The following ATP8A2 variants were observed in gnomAD, a reference collection of about 807,000 sequenced individuals.
The protein encoded by ATP8A2 is ATPase phospholipid transporting 8A2, also known as phospholipid-transporting ATPase IB.
In ATP8A2, 100 loss-of-function variants were observed where a neutral mutation model predicts 165.6. That is an observed-to-expected ratio of 0.60 (90% CI 0.51 to 0.71). The LOEUF is 0.71. Ranked by LOEUF, ATP8A2 falls within the 30% of genes least tolerant of loss-of-function variation. The pLI is 0.00. For missense variants in ATP8A2, 1,227 were observed against 1,479.5 expected, an observed-to-expected ratio of 0.83 and a Z score of 2.80; for synonymous variants, 543 against 548.8, an observed-to-expected ratio of 0.99 and a Z score of 0.15.
chr13:25,631,871 TC>T (rs1271491890), intron 24 of ATP8A2, among the ~76,000 whole-genome samples: 1 of 149,038 alleles, frequency 6.7e-6, no homozygotes, highest in African/African-American at 2.4e-5. Context: ...TGGGGAGTTT[TC>T]CCAACATAGC....
rs2040924027 is a variant in ATP8A2, at chr13:25,619,819, T to C, written c.2211+30120T>C. On this transcript the variant is annotated intron_variant, in intron 24 of 36. Coordinates refer to ENST00000381655, the MANE Select transcript of ATP8A2 (RefSeq NM_016529.6). ...TTTGTGGACCACATATGGTCTCTAT[T>C]GCATAGCCTTTCCTATTTTAATTTT... 2.0e-5 allele frequency among the ~76,000 whole-genome samples: 3 copies of C among 152,354 alleles called. No individual in the cohort carries two copies. In the South Asian group the frequency reaches 6.2e-4, roughly 32 times the overall value.
At chr13:25,542,334 C>T (rs1385403602) in intron 9 of ATP8A2, among the ~76,000 whole-genome samples, 1 of 151,008 alleles carries the variant, frequency 6.6e-6, no homozygotes, top group African/African-American at 2.4e-5. Flanking sequence ...GGAGAGTTAT[C>T]TGAGGTGTAT....
chr13:25,662,713 G>A (rs1304922646), intron 24 of ATP8A2, among the ~76,000 whole-genome samples: 3 of 152,134 alleles, frequency 2.0e-5, no homozygotes, highest in Non-Finnish European at 2.9e-5. Context: ...TGGCAACATT[G>A]TTTTTAGGCT....
chr13:25,922,487 C>A (rs1954487535), intron 33 of ATP8A2, among the ~76,000 whole-genome samples: 1 of 152,168 alleles, frequency 6.6e-6, no homozygotes, highest in Non-Finnish European at 1.5e-5. Context: ...TATGGAATTG[C>A]AACAATTTGC....
rs1387821638 is a variant in ATP8A2 at position 25,641,911 on chromosome 13, C to G, written c.2211+52212C>G. Reference sequence around the variant, plus strand: ...CTGGTACCAAAACAGAGATATCGACCAATGGAACAGAACAGAGCCCTGAGA... The same window carrying G: ...CTGGTACCAAAACAGAGATATCGACGAATGGAACAGAACAGAGCCCTGAGA... On this transcript the variant is annotated intron_variant, in intron 24 of 36. Transcript: ENST00000381655. Among the ~76,000 whole-genome samples the G allele has an allele frequency of 2.0e-5, 3 of 152,008 alleles. No homozygotes were observed. In the East Asian group the frequency reaches 5.8e-4, roughly 29 times the overall value.
chr13:25,653,978 C>T (rs995311017), intron 24 of ATP8A2, among the ~76,000 whole-genome samples: 2 of 152,054 alleles, frequency 1.3e-5, no homozygotes, highest in Non-Finnish European at 2.9e-5. Context: ...GAGGAGCTGG[C>T]CTTGGGAAGA....
chr13:25,436,084 G>C (rs778040448), intron 1 of ATP8A2, among the ~76,000 whole-genome samples: 5 of 150,400 alleles, frequency 3.3e-5, no homozygotes, highest in Non-Finnish European at 7.4e-5. Flanking sequence ...TTTTTGGCTT[G>C]TTAATAGATT....
At chr13:26,000,170 C>T (rs1956605354) in intron 35 of ATP8A2, among the ~76,000 whole-genome samples, 1 of 152,200 alleles carries the variant, frequency 6.6e-6, no homozygotes, top group Non-Finnish European at 1.5e-5. Flanking sequence ...GGACAGGGAA[C>T]TGGGGACCAG....
At chr13:25,609,534 G>GGTATTCAAATATATATATATATATTT (rs2040603361) in intron 24 of ATP8A2, among the ~76,000 whole-genome samples, 2 of 42,208 alleles carry the variant, frequency 4.7e-5, no homozygotes, top group Non-Finnish European at 1.4e-4. Context: ...ATATATATTT[G>GGTATTCAAATATATATATATATATTT]GGATTCAAAT....
intron 33 of ATP8A2, among the ~76,000 whole-genome samples, chr13:25,952,148 A>G (rs1183092399): frequency 6.6e-6 from 1 of 152,202 alleles, no homozygotes; most frequent in Non-Finnish European, 1.5e-5. Context: ...GTGCTAGTAG[A>G]ATCATCTTCA....
At chr13:25,669,882 C>T (rs956826293) in intron 24 of ATP8A2, among the ~76,000 whole-genome samples, 3 of 152,156 alleles carry the variant, frequency 2.0e-5, no homozygotes, top group African/African-American at 7.2e-5. Flanking sequence ...TGTGCAGCCC[C>T]TCAGGGAACA....
chr13:25,555,166 C>T (rs911735008), intron 13 of ATP8A2, 98 bp downstream of exon 13: 94 of 824,394 alleles, frequency 1.1e-4, no homozygotes, highest in Non-Finnish European at 1.7e-4. Flanking sequence ...AAAAATACTT[C>T]TCCATGAACA....
At chr13:25,976,216 G>A (rs1035667388) in intron 35 of ATP8A2, among the ~76,000 whole-genome samples, 3 of 151,984 alleles carry the variant, frequency 2.0e-5, no homozygotes, top group Non-Finnish European at 4.4e-5. Context: ...GGGATGTGCC[G>A]CCATGCTGAG....
rs1245910539 is a variant in ATP8A2 at position 26,024,366 on chromosome 13, C to T, written c.*4381C>T. 2 of 152,188 alleles carry T rather than the reference C, an allele frequency of 1.3e-5. No homozygotes were observed. The highest frequency in any genetic ancestry group is 4.8e-5 in the African/African-American group (2 of 41,436). 9.4% of individuals were successfully genotyped at this position (152,188 alleles called of 1,614,324 possible). ...AGTTGTCCATCAGTACATTCCCCTT[C>T]ACCTTACCTGATCTTCATTTAATGC... On this transcript the variant is annotated 3_prime_UTR_variant, in exon 37 of 37. Coordinates refer to ENST00000381655, the MANE Select transcript of ATP8A2 (RefSeq NM_016529.6).
intron 23 of ATP8A2, among the ~76,000 whole-genome samples, chr13:25,584,992 A>C (rs2039881284): frequency 1.3e-5 from 2 of 152,098 alleles, no homozygotes; most frequent in Admixed American, 6.6e-5. Context: ...TAAAATATAT[A>C]TATCTATCTC....
chr13:25,445,763 T>C (rs190402246), intron 1 of ATP8A2, among the ~76,000 whole-genome samples: 1 of 151,806 alleles, frequency 6.6e-6, no homozygotes, highest in Admixed American at 6.6e-5. Flanking sequence ...AGAATAGGAG[T>C]AAATGCATGC....
At chr13:25,828,348 A>T (rs914708349) in intron 28 of ATP8A2, among the ~76,000 whole-genome samples, 156 bp downstream of exon 28, 1 of 152,220 alleles carries the variant, frequency 6.6e-6, no homozygotes, top group Admixed American at 6.5e-5. Context: ...GCTGTGAAAC[A>T]TCCTGCAGAA....
intron 25 of ATP8A2, among the ~76,000 whole-genome samples, chr13:25,753,177 AC>A (rs1436263651): frequency 6.6e-6 from 1 of 152,202 alleles, no homozygotes; most frequent in East Asian, 1.9e-4. Flanking sequence ...CTGGTGGCCA[AC>A]AGCACGTCCA....
At chr13:25,926,436 T>C (rs1954610223) in intron 33 of ATP8A2, among the ~76,000 whole-genome samples, 1 of 152,212 alleles carries the variant, frequency 6.6e-6, no homozygotes, top group African/African-American at 2.4e-5. Flanking sequence ...GTAACTTTTA[T>C]GCCATTTATC....
Sources: allele counts gnomAD v4.1 joint callset (sites outside exome capture counted in the v4.1 genomes callset), GRCh38; gene constraint gnomAD v4.1.1; transcripts MANE v1.5; gene names NCBI Gene and HGNC (gene_info 2026-07-23, HGNC 2026-07-21).